Variants in MGMT observed in about 807,000 individuals in gnomAD.
MGMT encodes the protein methylated-DNA--protein-cysteine methyltransferase.
MGMT carries 14 observed loss-of-function variants against 15.9 expected under a neutral mutation model. The ratio of observed to expected loss-of-function variants is 0.88; its 90% CI spans 0.58 to 1.37. The LOEUF (loss-of-function observed/expected upper bound fraction) is 1.37, where lower values mean the gene tolerates loss of function less well. Among genes scored for constraint, MGMT ranks in the 40% most tolerant of loss-of-function variants. The pLI, the probability that MGMT is intolerant of heterozygous loss-of-function variation, is 0.00. For missense variants in MGMT, 282 were observed against 268.1 expected, an observed-to-expected ratio of 1.05 and a Z score of -0.36; for synonymous variants, 130 against 118.2, an observed-to-expected ratio of 1.10 and a Z score of -0.65.
At chr10:129,475,795 A>G (rs1845287037) in intron 1 of MGMT, among the ~76,000 whole-genome samples, 1 of 152,248 alleles carries the variant, frequency 6.6e-6, no homozygotes, top group South Asian at 2.1e-4. Flanking sequence ...TTCTGAAATA[A>G]GAACTGTTCC....
chr10:129,495,017 G>T (rs985980184), intron 1 of MGMT, among the ~76,000 whole-genome samples: 1 of 152,178 alleles, frequency 6.6e-6, no homozygotes. Context: ...GATTGTGCTG[G>T]CATGAGCTAG....
At chr10:129,701,030 G>A (rs1200202014) in intron 2 of MGMT, 1 of 152,278 alleles carries the variant, frequency 6.6e-6, no homozygotes, top group Non-Finnish European at 1.5e-5. Flanking sequence ...GCCAGAGGAG[G>A]TGGGGTGCTC....
At chr10:129,661,291 G>C (rs1174597192) in intron 2 of MGMT, among the ~76,000 whole-genome samples, 1 of 151,956 alleles carries the variant, frequency 6.6e-6, no homozygotes, top group Non-Finnish European at 1.5e-5. Flanking sequence ...TATTTCTGTG[G>C]GATAGACGTC....
chr10:129,503,169 A>G (rs1172994551), intron 1 of MGMT, among the ~76,000 whole-genome samples: 1 of 150,890 alleles, frequency 6.6e-6, no homozygotes, highest in Admixed American at 6.6e-5. Flanking sequence ...TTTTAGTATT[A>G]TGAAGAATGA....
Position 129,770,471 on chromosome 10 carries a change from C to T in MGMT, c.*3474C>T, listed in dbSNP as rs1221644368. Among the ~76,000 whole-genome samples the T allele has an allele frequency of 6.6e-6, 1 of 152,182 alleles. No homozygotes were observed. The highest frequency in any genetic ancestry group is 1.5e-5 in the Non-Finnish European group (1 of 68,028). ...AAGGACAGAACAGCCCTGGGGGCCA[C>T]GTCCCCTCCCGGTCTCATCTGCCGC... On this transcript the variant is annotated 3_prime_UTR_variant, in exon 5 of 5. Coordinates refer to ENST00000651593, the MANE Select transcript of MGMT (RefSeq NM_002412.5).
Position 129,759,154 on chromosome 10 carries a change from G to T in MGMT, c.275-48G>T, listed in dbSNP as rs766602161. 5.6e-6 allele frequency: 9 copies of T among 1,609,682 alleles called. No individual in the cohort carries two copies. In the East Asian group the frequency reaches 8.9e-5, roughly 16 times the overall value. ...ACTAGTGGCTATTTATATCAGAGCT[G>T]CTGAAGCCGTTTGTCCAAATAACAT... is the stretch of plus-strand genomic sequence containing the variant. On this transcript the variant is annotated intron_variant, in intron 3 of 4. Transcript: ENST00000651593.
chr10:129,681,463 A>T (rs1847851589), intron 2 of MGMT, among the ~76,000 whole-genome samples: 1 of 152,168 alleles, frequency 6.6e-6, no homozygotes, highest in South Asian at 2.1e-4. Context: ...CATCCTGGAA[A>T]CTTGTCAGAG....
chr10:129,678,176 GA>G (rs752225126), intron 2 of MGMT, among the ~76,000 whole-genome samples: 2 of 152,190 alleles, frequency 1.3e-5, no homozygotes, highest in Non-Finnish European at 2.9e-5. Context: ...TTTCAAGCTG[GA>G]GAGAGAAAGG....
intron 1 of MGMT, among the ~76,000 whole-genome samples, chr10:129,484,284 C>T (rs934512629): frequency 3.3e-5 from 5 of 152,198 alleles, no homozygotes; most frequent in African/African-American, 1.2e-4. Flanking sequence ...CCTGTGTCTC[C>T]CTGAGCCCTG....
intron 2 of MGMT, among the ~76,000 whole-genome samples, chr10:129,685,491 G>A (rs964415105): frequency 1.3e-5 from 2 of 152,088 alleles, no homozygotes; most frequent in South Asian, 2.1e-4. Flanking sequence ...CCACCTCCCC[G>A]AGCCGTGGAG....
At chr10:129,732,822 C>G (rs2133164155) in intron 3 of MGMT, among the ~76,000 whole-genome samples, 1 of 144,940 alleles carries the variant, frequency 6.9e-6, no homozygotes, top group East Asian at 2.1e-4. Flanking sequence ...GTTTTTTGTT[C>G]TTGCGATAGT....
intron 1 of MGMT, among the ~76,000 whole-genome samples, chr10:129,530,741 G>A (rs535415809): frequency 4.6e-5 from 7 of 152,334 alleles, no homozygotes; most frequent in South Asian, 2.1e-4. Flanking sequence ...TGGCCATGGC[G>A]GCCTCAGGGC....
intron 2 of MGMT, among the ~76,000 whole-genome samples, chr10:129,705,886 G>A (rs945321905): frequency 2.0e-5 from 3 of 151,912 alleles, no homozygotes; most frequent in African/African-American, 4.8e-5. Flanking sequence ...GAATCAGCAC[G>A]GGGCCAGGGC....
chr10:129,575,619 A>G (rs1224309652), intron 2 of MGMT, among the ~76,000 whole-genome samples: 5 of 148,686 alleles, frequency 3.4e-5, no homozygotes, highest in African/African-American at 9.9e-5. Flanking sequence ...ATCACAATTA[A>G]AAGAACTAGA....
chr10:129,702,290 G>A (rs1848108366), intron 2 of MGMT, among the ~76,000 whole-genome samples: 1 of 152,206 alleles, frequency 6.6e-6, no homozygotes, highest in South Asian at 2.1e-4. Flanking sequence ...GCTTTGCTGT[G>A]TTAAGGTGCC....
In MGMT at chr10:129,725,040, G is replaced by A. The variant is rs1434625926; in HGVS notation, c.274+16997G>A. ...GTCCTCTCCAGAGCCCTGCAGGATC[G>A]GGTGGATACACTGACCTGATGGACA... On this transcript the variant is annotated intron_variant, in intron 3 of 4. Transcript: ENST00000651593. Among the ~76,000 whole-genome samples, 8 of 152,322 alleles carry A rather than the reference G, an allele frequency of 5.3e-5. No homozygotes were observed. The South Asian group carries it at 8.3e-4, about 16-fold the overall frequency.
intron 2 of MGMT, among the ~76,000 whole-genome samples, chr10:129,656,643 A>T (rs1847527645): frequency 6.6e-6 from 1 of 152,176 alleles, no homozygotes; most frequent in South Asian, 2.1e-4. Context: ...TAAGAAGTAC[A>T]TTGGTTCTGT....
intron 1 of MGMT, among the ~76,000 whole-genome samples, chr10:129,481,126 G>C (rs903735737): frequency 2.0e-5 from 3 of 152,220 alleles, no homozygotes; most frequent in Admixed American, 2.0e-4. Flanking sequence ...CCTTGCGGAG[G>C]CATCCACGGT....
chr10:129,724,888 C>T (rs1848414306), intron 3 of MGMT, among the ~76,000 whole-genome samples: 1 of 152,146 alleles, frequency 6.6e-6, no homozygotes, highest in South Asian at 2.1e-4. Flanking sequence ...AAAACTGTGG[C>T]CTCCTTATCC....
Sources: gnomAD v4.1 joint callset for allele counts (sites outside exome capture counted in the v4.1 genomes callset) on GRCh38, gnomAD v4.1.1 for gene constraint, MANE v1.5 for transcripts, NCBI Gene and HGNC (gene_info 2026-07-23, HGNC 2026-07-21) for gene names.